The following SLC24A4 variants were observed in gnomAD, a reference collection of about 807,000 sequenced individuals.
SLC24A4 encodes the protein sodium/potassium/calcium exchanger 4.
A neutral mutation model predicts 79.0 loss-of-function variants in SLC24A4; 53 were observed. The ratio of observed to expected loss-of-function variants is 0.67; its 90% confidence interval spans 0.54 to 0.84. The LOEUF (loss-of-function observed/expected upper bound fraction) is 0.84. Among genes scored for constraint, SLC24A4 ranks in the 40% least tolerant of loss-of-function variants. The pLI is 0.00. For missense variants in SLC24A4, 731 were observed against 822.0 expected, an observed-to-expected ratio of 0.89 and a Z score of 1.35; for synonymous variants, 323 against 323.8, an observed-to-expected ratio of 1.00 and a Z score of 0.03.
intron 2 of SLC24A4, among the ~76,000 whole-genome samples, chr14:92,328,394 C>A (rs1464542075): frequency 6.6e-6 from 1 of 152,228 alleles, no homozygotes; most frequent in Non-Finnish European, 1.5e-5. Context: ...ACTCCAGCGG[C>A]TCCCCAGTGA....
intron 2 of SLC24A4, among the ~76,000 whole-genome samples, chr14:92,343,594 T>TTCTC (rs1188489730): frequency 8.1e-5 from 11 of 136,502 alleles, no homozygotes; most frequent in African/African-American, 3.1e-4. Flanking sequence ...CTTTCTTTCT[T>TTCTC]TCTTTCTTTC....
intron 2 of SLC24A4, among the ~76,000 whole-genome samples, chr14:92,345,104 CA>C (rs1316652543): frequency 2.0e-5 from 3 of 152,060 alleles, no homozygotes; most frequent in African/African-American, 4.8e-5. Flanking sequence ...TGCCCTAATG[CA>C]AAATTCAGGA....
intron 12 of SLC24A4, among the ~76,000 whole-genome samples, chr14:92,472,201 C>CA (rs1309563145): frequency 1.3e-5 from 2 of 152,218 alleles, no homozygotes; most frequent in Non-Finnish European, 2.9e-5. Flanking sequence ...AAGGTACAGA[C>CA]AACCAGATTC....
intron 2 of SLC24A4, among the ~76,000 whole-genome samples, chr14:92,397,239 T>G (rs1033155526): frequency 6.6e-6 from 1 of 152,214 alleles, no homozygotes; most frequent in Non-Finnish European, 1.5e-5. Context: ...CAGAAGTATC[T>G]GTTCTCAGGA....
At chr14:92,407,635 GGAGAGAGA>G (rs138849786) in intron 2 of SLC24A4, among the ~76,000 whole-genome samples, 1 of 150,882 alleles carries the variant, frequency 6.6e-6, no homozygotes, top group Non-Finnish European at 1.5e-5. Context: ...TGGTGGAGCA[GGAGAGAGA>G]GAGAGAGAGA....
intron 2 of SLC24A4, among the ~76,000 whole-genome samples, chr14:92,350,062 G>T (rs1255181697): frequency 1.3e-5 from 2 of 152,238 alleles, no homozygotes; most frequent in Non-Finnish European, 2.9e-5. Context: ...GAGCCCAGAA[G>T]AAGGCACTTG....
At chr14:92,469,869 G>A (rs1279821040) in intron 12 of SLC24A4, among the ~76,000 whole-genome samples, 1 of 152,126 alleles carries the variant, frequency 6.6e-6, no homozygotes, top group East Asian at 1.9e-4. Flanking sequence ...CAAATCTATA[G>A]AGACAGAAAA....
intron 2 of SLC24A4, among the ~76,000 whole-genome samples, chr14:92,408,597 G>C (rs931182995): frequency 3.3e-5 from 5 of 152,118 alleles, no homozygotes; most frequent in Admixed American, 6.6e-5. Flanking sequence ...ATAGCCTCAG[G>C]CAAGTCACTT....
chr14:92,473,117 A>G (rs1192753356), intron 12 of SLC24A4, among the ~76,000 whole-genome samples: 3 of 152,178 alleles, frequency 2.0e-5, no homozygotes, highest in African/African-American at 4.8e-5. Flanking sequence ...CATCATTTCT[A>G]TACCTCTGTG....
intron 2 of SLC24A4, among the ~76,000 whole-genome samples, chr14:92,328,029 C>A (rs1274148332): frequency 6.6e-6 from 1 of 151,742 alleles, no homozygotes; most frequent in Non-Finnish European, 1.5e-5. Context: ...AGACAAGATA[C>A]ACGAAGTTCA....
At chr14:92,404,359 A>G (rs1023307244) in intron 2 of SLC24A4, among the ~76,000 whole-genome samples, 1 of 152,222 alleles carries the variant, frequency 6.6e-6, no homozygotes, top group African/African-American at 2.4e-5. Context: ...CAGACCTTTT[A>G]TAGTGCAAAT....
At chr14:92,463,155 G>A (rs543906312) in intron 12 of SLC24A4, among the ~76,000 whole-genome samples, 9 of 152,262 alleles carry the variant, frequency 5.9e-5, no homozygotes, top group South Asian at 2.1e-4. Context: ...ACAGGCAATC[G>A]GAAGATTTCG....
At chr14:92,463,179 G>A (rs1042319305) in intron 12 of SLC24A4, among the ~76,000 whole-genome samples, 2 of 152,276 alleles carry the variant, frequency 1.3e-5, no homozygotes, top group Admixed American at 1.3e-4. Context: ...AGCTTTTAGA[G>A]CTTTTCTCCC....
At position 92,474,864 on chromosome 14, in the gene SLC24A4, T is replaced by TATATATATATATATATA. The variant is rs1491176639; in HGVS notation, c.1256-7816_1256-7815insATATATATATATATATA. Among the ~76,000 whole-genome samples the TATATATATATATATATA allele has an allele frequency of 6.9e-3, 269 of 38,866 alleles. 9 individuals carry two copies. The highest frequency in any genetic ancestry group is 9.3e-3 in the Non-Finnish European group (189 of 20,278). 25.5% of individuals were successfully genotyped at this position (38,866 alleles called of 152,430 possible). A position where few individuals can be genotyped will look rare whatever the true frequency, so the allele number is the denominator to read the frequency against. On this transcript the variant is annotated intron_variant, in intron 12 of 16. Transcript: ENST00000532405. ...GTGTGTATATATATATATATATATATTTTTTTTTTTTTTAGTAGACACAGG... is the reference window on the plus strand; with the variant it reads ...GTGTGTATATATATATATATATATATATATATATATATATATATTTTTTTTTTTTTAGTAGACACAGG...
rs1444837617 is a variant in SLC24A4 at position 92,454,000 on chromosome 14, A to C, written c.981A>C (p.Arg327=). 1 of 1,613,756 alleles carries C rather than the reference A, an allele frequency of 6.2e-7. No individual in the cohort carries two copies. Among genetic ancestry groups the C allele is most frequent in the East Asian group, 2.2e-5 (1 of 44,872 alleles). Residue 327 remains arginine (R), a synonymous_variant, in exon 11 of 17, where the codon CGA becomes CGC. Coordinates refer to ENST00000532405, the MANE Select transcript of SLC24A4 (RefSeq NM_153646.4). ...PKFTFPEAGL[R]IMITNKFGPR... The stretch of plus-strand genomic sequence containing the variant: ...TCACCTTCCCTGAAGCAGGCTTACG[A>C]ATCATGATCACCAATAAGTTTGGAC...
chr14:92,328,771 A>G lies in SLC24A4; in HGVS notation c.241+2793A>G, dbSNP rs76308682. 6.4e-4 allele frequency among the ~76,000 whole-genome samples: 97 copies of G among 152,324 alleles called. 1 individual carries two copies. In the East Asian group the frequency reaches 0.016, roughly 25 times the overall value. ...GCCGCATGACCACCCTTGCAGATTG[A>G]TCTGGCCAAGGGAGTGCTGGGCCCA... On this transcript the variant is annotated intron_variant, in intron 2 of 16. Transcript: ENST00000532405.
At chr14:92,472,695 C>T (rs1894505957) in intron 12 of SLC24A4, among the ~76,000 whole-genome samples, 1 of 152,150 alleles carries the variant, frequency 6.6e-6, no homozygotes, top group Non-Finnish European at 1.5e-5. Flanking sequence ...GATTGATGAG[C>T]ATTTGGGCTG....
chr14:92,344,223 C>G (rs951737130), intron 2 of SLC24A4, among the ~76,000 whole-genome samples: 3 of 152,320 alleles, frequency 2.0e-5, no homozygotes, highest in Admixed American at 6.5e-5. Flanking sequence ...CAGCTCTTGC[C>G]GTTTTCCTTT....
intron 14 of SLC24A4, among the ~76,000 whole-genome samples, chr14:92,488,823 G>A (rs1249136701): frequency 6.6e-6 from 1 of 152,228 alleles, no homozygotes; most frequent in African/African-American, 2.4e-5. Flanking sequence ...AGTCAGCTGG[G>A]TGGACACAGT....
Sources: allele counts gnomAD v4.1 joint callset (sites outside exome capture counted in the v4.1 genomes callset), GRCh38; gene constraint gnomAD v4.1.1; transcripts MANE v1.5; gene names NCBI Gene and HGNC (gene_info 2026-07-23, HGNC 2026-07-21).